The following GABRG3 variants were observed in gnomAD, a reference collection of about 807,000 sequenced individuals.
GABRG3 encodes gamma-aminobutyric acid type A receptor subunit gamma3.
A neutral mutation model predicts 48.8 loss-of-function variants in GABRG3; 25 were observed. The observed-to-expected ratio is 0.51, with a 90% CI of 0.37 to 0.72. The LOEUF is 0.72. Ranked by LOEUF, GABRG3 falls within the 30% of genes least tolerant of loss-of-function variation. The probability of loss-of-function intolerance (pLI) is 0.00; values close to 1 mark genes in which losing one functional copy is unlikely to be tolerated. For missense variants in GABRG3, 394 were observed against 577.9 expected (o/e 0.68, Z 3.26); for synonymous variants, 227 against 217.6 (o/e 1.04, Z -0.38).
At chr15:27,200,688 T>A (rs939159106) in intron 3 of GABRG3, among the ~76,000 whole-genome samples, 10 of 152,290 alleles carry the variant, frequency 6.6e-5, no homozygotes, top group Non-Finnish European at 1.5e-4. Context: ...CTATGGTACC[T>A]ACTACGGCCA....
In GABRG3 at chr15:27,313,264, A is replaced by ATG. The variant is rs1182878093; in HGVS notation, c.271-13544_271-13543insGT. Among the ~76,000 whole-genome samples, 89 of 11,156 alleles carry ATG rather than the reference A, an allele frequency of 8.0e-3. 8 individuals are homozygous for ATG. Among genetic ancestry groups the ATG allele is most frequent in the African/African-American group, 0.028 (83 of 3,012 alleles). The allele number at this position is 11,156 out of a possible 152,430, so 7.3% of individuals were successfully genotyped here. A position where few individuals can be genotyped will look rare whatever the true frequency, so the allele number is the denominator to read the frequency against. ...TATGTGTGTGTGTGTGTGTGTGTGT[A>ATG]TATATATATATATATATATATATAT... is the stretch of plus-strand genomic sequence containing the variant. On this transcript the variant is annotated intron_variant, in intron 3 of 9. Transcript: ENST00000615808.
intron 3 of GABRG3, among the ~76,000 whole-genome samples, chr15:27,173,731 C>T (rs1365512953): frequency 7.1e-6 from 1 of 141,464 alleles, no homozygotes; most frequent in African/African-American, 2.7e-5. Context: ...AAAAATTAAA[C>T]ATTAGTGTGG....
chr15:27,267,519 A>G (rs1197230594), intron 3 of GABRG3, among the ~76,000 whole-genome samples: 1 of 151,730 alleles, frequency 6.6e-6, no homozygotes, highest in Non-Finnish European at 1.5e-5. Flanking sequence ...AGTTCACTGC[A>G]GTCTCAACTT....
chr15:27,107,532 A>G (rs531108021), intron 3 of GABRG3, among the ~76,000 whole-genome samples: 16 of 151,960 alleles, frequency 1.1e-4, no homozygotes, highest in African/African-American at 3.6e-4. Flanking sequence ...TATTTTTGTT[A>G]TTAGGGTAAT....
At chr15:27,105,845 T>G (rs1187399599) in intron 3 of GABRG3, among the ~76,000 whole-genome samples, 1 of 152,100 alleles carries the variant, frequency 6.6e-6, no homozygotes, top group African/African-American at 2.4e-5. Flanking sequence ...TTATAGCGTA[T>G]CCACAATAGC....
chr15:27,419,524 C>T (rs1443113948), intron 5 of GABRG3, among the ~76,000 whole-genome samples: 1 of 152,134 alleles, frequency 6.6e-6, no homozygotes, highest in African/African-American at 2.4e-5. Context: ...AGAGGAAATA[C>T]AAGTTGCTGT....
At chr15:27,522,541 A>G (rs1246880766) in intron 7 of GABRG3, among the ~76,000 whole-genome samples, 2 of 151,862 alleles carry the variant, frequency 1.3e-5, no homozygotes, top group Non-Finnish European at 3.0e-5. Context: ...TAAGCCATAA[A>G]TAGCAATGAG....
chr15:27,187,878 T>G, intron 3 of GABRG3, among the ~76,000 whole-genome samples: 1 of 82,188 alleles, frequency 1.2e-5, no homozygotes, highest in African/African-American at 4.7e-5. Context: ...CCTTCCCCCC[T>G]CCCCCCACCC....
intron 2 of GABRG3, among the ~76,000 whole-genome samples, chr15:27,012,794 A>G (rs1895713294): frequency 6.6e-6 from 1 of 152,188 alleles, no homozygotes; most frequent in Non-Finnish European, 1.5e-5. Context: ...AATGCTAAGA[A>G]AGTGGAGACT....
At chr15:27,148,007 T>C (rs1201445422) in intron 3 of GABRG3, among the ~76,000 whole-genome samples, 2 of 151,746 alleles carry the variant, frequency 1.3e-5, no homozygotes, top group Non-Finnish European at 2.9e-5. Flanking sequence ...GCAATAAAAA[T>C]TTAACAAAAC....
chr15:27,440,196 C>A (rs1178094787), intron 5 of GABRG3, among the ~76,000 whole-genome samples: 1 of 152,128 alleles, frequency 6.6e-6, no homozygotes, highest in Non-Finnish European at 1.5e-5. Flanking sequence ...GGGCAATGCA[C>A]CGTCTTAACT....
At chr15:27,041,522 A>G (rs1896276195) in intron 3 of GABRG3, among the ~76,000 whole-genome samples, 1 of 152,092 alleles carries the variant, frequency 6.6e-6, no homozygotes, top group Non-Finnish European at 1.5e-5. Flanking sequence ...CATAATTTCT[A>G]CCATCTTCCT....
intron 3 of GABRG3, among the ~76,000 whole-genome samples, chr15:27,098,511 C>CT (rs1244786618): frequency 3.9e-5 from 6 of 152,004 alleles, no homozygotes; most frequent in African/African-American, 1.2e-4. Flanking sequence ...ATATGATATC[C>CT]TTTTTTTAAA....
chr15:27,252,228 T>C (rs1890480572), intron 3 of GABRG3, among the ~76,000 whole-genome samples: 2 of 152,148 alleles, frequency 1.3e-5, no homozygotes, highest in Admixed American at 1.3e-4. Flanking sequence ...TCACCAGCCC[T>C]CCTTCTCACC....
chr15:27,322,410 T>C (rs1027538870), intron 3 of GABRG3, among the ~76,000 whole-genome samples: 2 of 152,102 alleles, frequency 1.3e-5, no homozygotes, highest in African/African-American at 4.8e-5. Context: ...TCATGGATGG[T>C]TCTCGAATAC....
chr15:27,195,935 A>G (rs989803509), intron 3 of GABRG3, among the ~76,000 whole-genome samples: 11 of 152,136 alleles, frequency 7.2e-5, no homozygotes, highest in African/African-American at 2.4e-4. Context: ...GCACCCAGCC[A>G]CCGCACCCAG....
At chr15:27,199,957 A>G (rs1311619546) in intron 3 of GABRG3, among the ~76,000 whole-genome samples, 1 of 139,078 alleles carries the variant, frequency 7.2e-6, no homozygotes, top group East Asian at 2.1e-4. Context: ...CTTTCCTGTC[A>G]TCATTCTCTC....
At chr15:27,116,394 G>A (rs1897641938) in intron 3 of GABRG3, among the ~76,000 whole-genome samples, 1 of 152,136 alleles carries the variant, frequency 6.6e-6, no homozygotes. Context: ...TATGTCTTGT[G>A]TTTGTTCTAT....
At chr15:27,106,478 A>T (rs1205593796) in intron 3 of GABRG3, among the ~76,000 whole-genome samples, 2 of 152,020 alleles carry the variant, frequency 1.3e-5, no homozygotes, top group African/African-American at 4.8e-5. Context: ...AAAGAAAGAA[A>T]TGAGGAAAGA....
Sources: allele counts gnomAD v4.1 joint callset (sites outside exome capture counted in the v4.1 genomes callset), GRCh38; gene constraint gnomAD v4.1.1; transcripts MANE v1.5; gene names NCBI Gene and HGNC (gene_info 2026-07-23, HGNC 2026-07-21).